Variants in TRPM5 observed in about 807,000 individuals in gnomAD.
TRPM5 encodes the protein transient receptor potential cation channel subfamily M member 5, also known as MLSN1 and TRP-related.
A neutral mutation model predicts 124.9 loss-of-function variants in TRPM5; 121 were observed. The ratio of observed to expected loss-of-function variants is 0.97; its 90% CI spans 0.84 to 1.13. The LOEUF (loss-of-function observed/expected upper bound fraction) is 1.13. Among genes scored for constraint, TRPM5 ranks in the 50% most tolerant of loss-of-function variants. The pLI, the probability that TRPM5 is intolerant of heterozygous loss-of-function variation, is 0.00. For missense variants in TRPM5, 1,643 were observed against 1,589.1 expected (o/e 1.03, Z -0.58); for synonymous variants, 781 against 700.5 (o/e 1.11, Z -1.81).
At chr11:2,443,242 C>T in the TRPM5 span, among the ~76,000 whole-genome samples, 2 of 151,994 alleles carry the variant, frequency 1.3e-5, no homozygotes, top group East Asian at 3.8e-4. This position sits in a 1 kb window ranked among gnomAD's most constrained non-coding sequence, Gnocchi z 5.0. Flanking sequence ...TATGCTTTTT[C>T]TTTCTTTATG....
intron 21 of TRPM5, 117 bp downstream of exon 26, chr11:2,406,544 G>C: frequency 7.2e-7 from 1 of 1,381,636 alleles, no homozygotes; most frequent in Admixed American, 2.2e-5. Context: ...CCAGAGCCCT[G>C]CCCCTACCCC....
chr11:2,405,506 AC>A lies in TRPM5; in HGVS notation c.3391+20del. Reference sequence around the variant, plus strand: ...GGGTGCCCATGCCCACCCTCATCCCACGCTCCCCAAACAGGCTTACTCCGGG... The same window carrying A: ...GGGTGCCCATGCCCACCCTCATCCCAGCTCCCCAAACAGGCTTACTCCGGG... On this transcript the variant is annotated intron_variant, in intron 23 of 23. Coordinates refer to ENST00000155858, the Ensembl canonical transcript of TRPM5. 1 of 1,551,966 alleles carries A rather than the reference AC, an allele frequency of 6.4e-7. No individual in the cohort carries two copies. The highest frequency in any genetic ancestry group is 1.4e-5 in the African/African-American group (1 of 73,250).
chr11:2,436,347 C>T, the TRPM5 span, among the ~76,000 whole-genome samples: 5 of 152,272 alleles, frequency 3.3e-5, no homozygotes, highest in East Asian at 1.9e-4. Context: ...TCTGGCAAGA[C>T]GGATGAGTGC....
chr11:2,423,599 G>C (rs1045564230), upstream of TRPM5, among the ~76,000 whole-genome samples: 7 of 152,184 alleles, frequency 4.6e-5, no homozygotes, highest in African/African-American at 1.7e-4. Flanking sequence ...AGGAGGTCCA[G>C]GAGGCCCAGG....
chr11:2,436,260 G>A, the TRPM5 span, among the ~76,000 whole-genome samples: 8 of 152,226 alleles, frequency 5.3e-5, no homozygotes, highest in East Asian at 3.8e-4. Context: ...CTCTCAGCTC[G>A]GGGCCAGCTC....
the TRPM5 span, among the ~76,000 whole-genome samples, chr11:2,428,213 T>G: frequency 1.7e-4 from 26 of 152,240 alleles, no homozygotes; most frequent in South Asian, 6.2e-4. This position sits in a 1 kb window ranked among gnomAD's most constrained non-coding sequence, Gnocchi z 4.0. Flanking sequence ...AGGTAACACA[T>G]GAGGAGAACA....
At chr11:2,418,395 T>G in intron 5 of TRPM5, 37 bp from the exon 11 acceptor site, 1 of 1,531,478 alleles carries the variant, frequency 6.5e-7, no homozygotes, top group Non-Finnish European at 8.8e-7. Flanking sequence ...GACCCCAGAT[T>G]AGCCCGACGA....
chr11:2,431,054 G>C, the TRPM5 span, among the ~76,000 whole-genome samples: 1 of 152,084 alleles, frequency 6.6e-6, no homozygotes, highest in African/African-American at 2.4e-5. Context: ...GGATGGGAAG[G>C]CTCCAGGTAC....
At chr11:2,419,695 A>G (rs980661075) in intron 4 of TRPM5, among the ~76,000 whole-genome samples, 1 of 151,666 alleles carries the variant, frequency 6.6e-6, no homozygotes, top group African/African-American at 2.4e-5. Flanking sequence ...TAAATATTGT[A>G]TATTGTTCAT....
At chr11:2,418,421 G>T (rs886276) in intron 5 of TRPM5, 63 bp from the exon 11 acceptor site, 633,975 of 1,528,632 alleles carry the variant, frequency 0.41, 135,199 homozygotes, top group East Asian at 0.7. Context: ...GGATGCAGGT[G>T]TCAGGGGTGC....
In TRPM5 at chr11:2,412,262, G is replaced by T. The variant is rs781146331; in HGVS notation, c.2356-9C>A. The T allele has an allele frequency of 1.2e-6, 2 of 1,606,474 alleles. No homozygotes were observed. The highest frequency in any genetic ancestry group is 1.1e-5 in the South Asian group (1 of 90,954). ...TCGTCTGTGAAGAAGCCCTGGGAGG[G>T]AGGTGGGCAGTCCACTGACAGCTGT... On this transcript the variant is annotated splice_polypyrimidine_tract_variant and intron_variant, in intron 15 of 23. Coordinates refer to ENST00000155858, the Ensembl canonical transcript of TRPM5.
intron 1 of TRPM5, 69 bp from the exon 7 acceptor site, chr11:2,422,390 G>T (rs973121117): frequency 2.9e-6 from 4 of 1,388,858 alleles, no homozygotes; most frequent in Non-Finnish European, 3.0e-6. Context: ...CATTGGGGGG[G>T]GCTGGACACA....
chr11:2,418,471 C>A, intron 5 of TRPM5, 56 bp downstream of exon 10: 1 of 1,573,216 alleles, frequency 6.4e-7, no homozygotes. Context: ...GCCCAGAACC[C>A]ACCGCACCCC....
chr11:2,434,574 CTGTG>C, the TRPM5 span, among the ~76,000 whole-genome samples: 2 of 136,928 alleles, frequency 1.5e-5, no homozygotes, highest in East Asian at 2.2e-4. Context: ...TACGCTGTGT[CTGTG>C]TGGACGCTGT....
At chr11:2,408,016 G>A in intron 18 of TRPM5, 104 bp from the exon 24 acceptor site, 1 of 1,440,338 alleles carries the variant, frequency 6.9e-7, no homozygotes, top group Non-Finnish European at 9.4e-7. Flanking sequence ...TTGAACCCAG[G>A]GGACGGGGTG....
the TRPM5 span, among the ~76,000 whole-genome samples, chr11:2,436,426 CCTT>C: frequency 6.6e-6 from 1 of 152,266 alleles, no homozygotes; most frequent in South Asian, 2.1e-4. Context: ...CATTTGCCCT[CCTT>C]CTCTGAGTGG....
At chr11:2,423,661 G>T (rs1324514569), upstream of TRPM5, among the ~76,000 whole-genome samples, 1 of 152,234 alleles carries the variant, frequency 6.6e-6, no homozygotes, top group Non-Finnish European at 1.5e-5. Context: ...CAGCAGCAGA[G>T]CTATTCCCGT....
chr11:2,431,795 C>T, the TRPM5 span, among the ~76,000 whole-genome samples: 1 of 152,184 alleles, frequency 6.6e-6, no homozygotes, highest in Non-Finnish European at 1.5e-5. Flanking sequence ...GGTCTCTTCC[C>T]CTGTGATCTG....
At chr11:2,425,076 C>T (rs944005972), upstream of TRPM5, among the ~76,000 whole-genome samples, 5 of 152,328 alleles carry the variant, frequency 3.3e-5, no homozygotes, top group South Asian at 4.1e-4. Flanking sequence ...CTGGTGGAGA[C>T]GCCTGGTGGT....
Sources: allele counts gnomAD v4.1 joint callset (sites outside exome capture counted in the v4.1 genomes callset), GRCh38; gene constraint gnomAD v4.1.1; non-coding constraint Gnocchi (gnomAD v3.1); transcripts MANE v1.5; gene names NCBI Gene and HGNC (gene_info 2026-07-23, HGNC 2026-07-21).